TMPRSS2: variants seen among roughly 807,000 people sequenced by gnomAD.
TMPRSS2 encodes transmembrane protease serine 2.
TMPRSS2 carries 59 observed loss-of-function variants against 67.4 expected under a neutral mutation model. That is an observed-to-expected ratio of 0.88 (90% CI 0.71 to 1.09). The LOEUF (loss-of-function observed/expected upper bound fraction) is 1.09. Among genes scored for constraint, TMPRSS2 ranks in the 50% least tolerant of loss-of-function variants. The pLI is 0.00. For missense variants in TMPRSS2, 668 were observed against 642.7 expected, an observed-to-expected ratio of 1.04 and a Z score of -0.43; for synonymous variants, 257 against 257.0, an observed-to-expected ratio of 1.00 and a Z score of 0.00.
At chr21:41,496,495 G>C (rs1357021552) in intron 2 of TMPRSS2, among the ~76,000 whole-genome samples, 1 of 152,250 alleles carries the variant, frequency 6.6e-6, no homozygotes, top group Non-Finnish European at 1.5e-5. Context: ...TTCTGGGTCA[G>C]AGTGTGGCCA....
At position 41,494,518 on chromosome 21, in the gene TMPRSS2, AG is replaced by A; in HGVS notation, c.75del (p.Tyr26IlefsTer32). The A allele has an allele frequency of 6.2e-7, 1 of 1,614,034 alleles. No homozygotes were observed. The highest frequency in any genetic ancestry group is 1.7e-4 in the Middle Eastern group (1 of 6,060). ...GGGACCACAGTGGGCTGTGCGGGAT[AG>A]GGGTTTTCCGGTTGGTATCCATGGT... ...YENHGYQPENPYPAQPTVVPT... is the reference protein window; with the variant it reads ...YENHGYQPENXYPAQPTVVPT... On this transcript the variant is annotated frameshift_variant, in exon 3 of 14. Coordinates refer to ENST00000332149, the MANE Select transcript of TMPRSS2 (RefSeq NM_005656.4). LOFTEE classifies it high-confidence loss of function.
chr21:41,505,380 C>T (rs940326318), intron 1 of TMPRSS2, among the ~76,000 whole-genome samples: 11 of 152,206 alleles, frequency 7.2e-5, no homozygotes, highest in Non-Finnish European at 1.5e-4. Context: ...GAGTTATCAG[C>T]CAGACTTTTG....
rs376839032 is a variant in TMPRSS2, at chr21:41,473,307, G to A, written c.899+18C>T. The A allele has an allele frequency of 1.3e-5, 20 of 1,566,618 alleles. 1 individual carries two copies. Among genetic ancestry groups the A allele is most frequent in the South Asian group, 1.3e-4 (11 of 86,474 alleles). The stretch of plus-strand genomic sequence containing the variant: ...CCAGCCCTGAGCCCCCACCCGGCCC[G>A]CGCCGCCCCTGGCATACTTTTCCAC... On this transcript the variant is annotated intron_variant, in intron 9 of 13. Transcript: ENST00000332149.
At chr21:41,493,217 A>G (rs925116539) in intron 3 of TMPRSS2, among the ~76,000 whole-genome samples, 3 of 152,334 alleles carry the variant, frequency 2.0e-5, no homozygotes, top group African/African-American at 7.2e-5. Flanking sequence ...AAACACAAGT[A>G]TCTGCTTGGT....
At chr21:41,477,107 A>T (rs1398395774) in intron 7 of TMPRSS2, among the ~76,000 whole-genome samples, 1 of 152,208 alleles carries the variant, frequency 6.6e-6, no homozygotes, top group Non-Finnish European at 1.5e-5. Flanking sequence ...CAGGTTATGG[A>T]TGAAGAGGAA....
In TMPRSS2 at chr21:41,470,653, T is replaced by G. The variant is rs754201785; in HGVS notation, c.1166A>C (p.Glu389Ala). The G allele has an allele frequency of 2.5e-6, 4 of 1,613,302 alleles. No individual in the cohort carries two copies. Among genetic ancestry groups the G allele is most frequent in the Non-Finnish European group, 3.4e-6 (4 of 1,179,902 alleles). ...CWISGWGATE[E>A]KGKTSEVLNA... ...GTGCCCAGGAGCAGCCTCACCTTTC[T>G]CCTCGGTGGCCCCCCACCCGGAAAT... Residue 389 changes from glutamate to alanine, a missense_variant, in exon 11 of 14, where the codon GAG becomes GCG. Glu to Ala is a moderately radical substitution (Grantham distance 107). Coordinates refer to ENST00000332149, the MANE Select transcript of TMPRSS2 (RefSeq NM_005656.4).
At chr21:41,504,154 A>C (rs2091441716) in intron 1 of TMPRSS2, among the ~76,000 whole-genome samples, 2 of 152,224 alleles carry the variant, frequency 1.3e-5, no homozygotes, top group African/African-American at 4.8e-5. Flanking sequence ...GTCCCACTTG[A>C]CAGCCCCGAT....
chr21:41,494,362 T>G lies in TMPRSS2; in HGVS notation c.232A>C (p.Thr78Pro), dbSNP rs2146482965. The part of the protein sequence containing the change: ...QPKSPSGTVC[T>P]SKTKKALCIT... ...AACACAAAGAGAATCCTACTTGAGG[T>G]GCACACTGTCCCGGATGGGGATTTG... The change falls in exon 3 of 14, where the codon ACC becomes CCC. Residue 78 changes from threonine to proline, a missense_variant. Thr to Pro is a conservative substitution (Grantham distance 38). Transcript: ENST00000332149. The G allele has an allele frequency of 2.5e-6, 4 of 1,611,276 alleles. No homozygotes were observed. Among genetic ancestry groups the G allele is most frequent in the Non-Finnish European group, 3.4e-6 (4 of 1,179,362 alleles).
chr21:41,470,681 A>G lies in TMPRSS2; in HGVS notation c.1138T>C (p.Trp380Arg). 6.2e-7 allele frequency: 1 copy of G among 1,613,622 alleles called. No individual in the cohort carries two copies. The highest frequency in any genetic ancestry group is 8.5e-7 in the Non-Finnish European group (1 of 1,179,970). Residue 380 changes from tryptophan to arginine, a missense_variant, in exon 11 of 14, where the codon TGG becomes CGG. Transcript: ENST00000332149. ...TCGGTGGCCCCCCACCCGGAAATCCAGCAGAGCTGTTCTGGCTGCAGCATC... is the reference window on the plus strand; with the variant it reads ...TCGGTGGCCCCCCACCCGGAAATCCGGCAGAGCTGTTCTGGCTGCAGCATC... Reference protein sequence around the residue: ...GMMLQPEQLCWISGWGATEEK... With the variant: ...GMMLQPEQLCRISGWGATEEK...
At chr21:41,472,532 G>C (rs1698745833) in intron 9 of TMPRSS2, among the ~76,000 whole-genome samples, 1 of 151,972 alleles carries the variant, frequency 6.6e-6, no homozygotes, top group Admixed American at 6.6e-5. Context: ...AGAGGGCCCA[G>C]AGCACCTGGG....
intron 1 of TMPRSS2, 119 bp from the exon 2 acceptor site, chr21:41,498,308 G>T (rs1601589589): frequency 1.5e-6 from 1 of 659,316 alleles, no homozygotes; most frequent in South Asian, 2.0e-5. Context: ...GACCAGTGTT[G>T]CCTGCTGACC....
chr21:41,489,431 C>G (rs896820414), intron 4 of TMPRSS2, 76 bp downstream of exon 4: 55 of 1,287,972 alleles, frequency 4.3e-5, no homozygotes, highest in Non-Finnish European at 5.7e-5. Flanking sequence ...GTCTCAATAG[C>G]CCAGAGAGCA....
intron 8 of TMPRSS2, among the ~76,000 whole-genome samples, chr21:41,473,911 AG>A (rs2091158614): frequency 1.2e-5 from 1 of 80,502 alleles, no homozygotes; most frequent in Non-Finnish European, 2.4e-5. Context: ...GAGAAGGTGA[AG>A]GGGTGAGTGA....
intron 2 of TMPRSS2, among the ~76,000 whole-genome samples, chr21:41,494,962 G>A (rs959091181): frequency 3.3e-5 from 5 of 151,874 alleles, no homozygotes; most frequent in South Asian, 4.2e-4. Context: ...CCAGGTACTC[G>A]GGAGGCTGAG....
chr21:41,488,278 A>G (rs2146466592), intron 5 of TMPRSS2, 116 bp downstream of exon 5: 1 of 1,242,850 alleles, frequency 8.0e-7, no homozygotes, highest in East Asian at 2.4e-5. Context: ...ATTCAATGAC[A>G]TCATGTGTCA....
chr21:41,486,078 C>T (rs1470528060), intron 5 of TMPRSS2, among the ~76,000 whole-genome samples: 6 of 152,154 alleles, frequency 3.9e-5, no homozygotes, highest in South Asian at 2.1e-4. Context: ...ACAGAAAACT[C>T]CAGGAGGTTA....
intron 2 of TMPRSS2, among the ~76,000 whole-genome samples, chr21:41,495,481 C>T (rs561308071): frequency 2.6e-5 from 4 of 151,704 alleles, no homozygotes; most frequent in South Asian, 2.1e-4. Flanking sequence ...AAAAATTAGC[C>T]GGATATGGTG....
intron 1 of TMPRSS2, 133 bp from the exon 2 acceptor site, chr21:41,498,322 G>C (rs2146495098): frequency 1.6e-6 from 1 of 609,482 alleles, no homozygotes; most frequent in South Asian, 2.1e-5. Context: ...GCTGACCTTT[G>C]GCCTGCATCT....
intron 2 of TMPRSS2, among the ~76,000 whole-genome samples, chr21:41,496,838 T>TC (rs2091386532): frequency 7.3e-6 from 1 of 137,032 alleles, no homozygotes; most frequent in African/African-American, 2.8e-5. Flanking sequence ...CCTTTTTTTT[T>TC]TTTTTTTTTT....
Sources: gnomAD v4.1 joint callset for allele counts (sites outside exome capture counted in the v4.1 genomes callset) on GRCh38, gnomAD v4.1.1 for gene constraint, MANE v1.5 for transcripts, NCBI Gene and HGNC (gene_info 2026-07-23, HGNC 2026-07-21) for gene names.